The following SDHAF2 variants were observed in gnomAD, a reference collection of about 807,000 sequenced individuals.
The protein encoded by SDHAF2 is succinate dehydrogenase complex assembly factor 2.
Under a neutral mutation model 18.5 loss-of-function variants are expected in SDHAF2, and 21 were observed. That is an observed-to-expected ratio of 1.13 (90% CI 0.80 to 1.63). The LOEUF is 1.63. SDHAF2 is among the 40% of genes most tolerant of loss of function. The pLI is 0.00. For synonymous variants in SDHAF2, 84 were observed against 70.7 expected (o/e 1.19, Z -0.94); for missense variants, 195 against 200.3 (o/e 0.97, Z 0.16).
Position 61,446,083 on chromosome 11 carries a change from C to T in SDHAF2, c.*12C>T, listed in dbSNP as rs113652589. The T allele has an allele frequency of 7.7e-3, 12,352 of 1,614,080 alleles. 62 individuals are homozygous for T. The highest frequency in any genetic ancestry group is 9.6e-3 in the Non-Finnish European group (11,322 of 1,179,982). ...AAAAGCCACGTTGAGCTGTGCTCCA[C>T]GGCCTGGCATGGGGGTTCAGTCTGT... On this transcript the variant is annotated 3_prime_UTR_variant, in exon 4 of 4. Transcript: ENST00000301761.
intron 3 of SDHAF2, among the ~76,000 whole-genome samples, chr11:61,438,500 A>G (rs913375254): frequency 5.3e-5 from 8 of 152,172 alleles, no homozygotes; most frequent in Admixed American, 5.2e-4. Context: ...TGCCTGGCTT[A>G]TAATTTTTTT....
chr11:61,444,400 C>G (rs1862111032), intron 3 of SDHAF2: 1 of 152,202 alleles, frequency 6.6e-6, no homozygotes, highest in Admixed American at 6.5e-5. Context: ...TGCAGTCTCC[C>G]CTGGGCAACA....
intron 3 of SDHAF2, among the ~76,000 whole-genome samples, chr11:61,442,216 T>A (rs188059670): frequency 6.6e-6 from 1 of 152,288 alleles, no homozygotes; most frequent in East Asian, 1.9e-4. Context: ...TGGAAGATAC[T>A]TTCACTGGAT....
chr11:61,437,425 T>C (rs1862006284), intron 1 of SDHAF2, among the ~76,000 whole-genome samples, 200 bp from the exon 2 acceptor site: 1 of 152,242 alleles, frequency 6.6e-6, no homozygotes, highest in South Asian at 2.1e-4. Context: ...GGTCTCGAAC[T>C]CCTGAACTCA....
chr11:61,446,175 C>A lies in SDHAF2; in HGVS notation c.*104C>A. The A allele has an allele frequency of 7.7e-7, 1 of 1,303,310 alleles. No individual in the cohort carries two copies. Among genetic ancestry groups the A allele is most frequent in the Non-Finnish European group, 1.1e-6 (1 of 905,618 alleles). 80.7% of individuals were successfully genotyped at this position (1,303,310 alleles called of 1,614,324 possible). A position where few individuals can be genotyped will look rare whatever the true frequency, so the allele number is the denominator to read the frequency against. ...CTTCTTAGATGCCCAGCTGCCCTAC[C>A]CCAGACCACTGGTCCTGCCTCAAGT... On this transcript the variant is annotated 3_prime_UTR_variant, in exon 4 of 4. Transcript: ENST00000301761.
rs867394650 is a variant in SDHAF2, at chr11:61,430,151, C to A, written c.5C>A (p.Ala2Glu). 1.2e-6 allele frequency: 2 copies of A among 1,614,184 alleles called. No homozygotes were observed. Among genetic ancestry groups the A allele is most frequent in the African/African-American group, 2.7e-5 (2 of 75,080 alleles). ...TTTCCGGTGCAGGTGGGGAAAATGG[C>A]GGTGTCTACAGTGTTCTCGACTTCG... M[A>E]VSTVFSTSSL... is the part of the protein sequence containing the mutation. The change falls in exon 1 of 4, where the codon GCG (alanine) becomes GAG (glutamate). Residue 2 changes from alanine (A) to glutamate (E), a missense_variant. Physicochemically the swap from Ala to Glu is moderately radical, Grantham distance 107. Coordinates refer to ENST00000301761, the MANE Select transcript of SDHAF2 (RefSeq NM_017841.4).
At chr11:61,445,840 T>G in intron 3 of SDHAF2, 101 bp from the exon 4 acceptor site, 1 of 1,315,410 alleles carries the variant, frequency 7.6e-7, no homozygotes, top group South Asian at 1.2e-5. Flanking sequence ...AGTCTATATA[T>G]CCATCTGTGG....
rs1240770963 is a variant in SDHAF2, at chr11:61,446,501, T to C, written c.*430T>C. 2 of 503,558 alleles carry C rather than the reference T, an allele frequency of 4.0e-6. No homozygotes were observed. The highest frequency in any genetic ancestry group is 7.0e-6 in the Non-Finnish European group (2 of 287,556). 31.2% of individuals were successfully genotyped at this position (503,558 alleles called of 1,614,324 possible). On this transcript the variant is annotated 3_prime_UTR_variant, in exon 4 of 4. Transcript: ENST00000301761. ...CCCCGCCCTCAGTGGCCCAGGGCTT[T>C]GTTGAAGTGGAACTCCCCACTTCCA... is the stretch of plus-strand genomic sequence containing the variant.
rs756492007 is a variant in SDHAF2, at chr11:61,437,843, T to G, written c.255T>G (p.Leu85=). 6.2e-7 allele frequency: 1 copy of G among 1,613,322 alleles called. No homozygotes were observed. Among genetic ancestry groups the G allele is most frequent in the South Asian group, 1.1e-5 (1 of 91,058 alleles). Residue 85 remains leucine (L), a synonymous_variant, in exon 2 of 4, where the codon CTT becomes CTG. Transcript: ENST00000301761. ...RKRGMLENCI[L]LSLFAKEHLQ... ...GGGGAATGTTGGAAAACTGCATTCT[T>G]CTTAGGTATGGGACTAGGAGTCTTT...
At chr11:61,441,520 CAAAA>C (rs1168050919) in intron 3 of SDHAF2, among the ~76,000 whole-genome samples, 2 of 83,884 alleles carry the variant, frequency 2.4e-5, no homozygotes. Context: ...GGCTCCATCT[CAAAA>C]AAAAAAAAAA....
chr11:61,445,390 C>T (rs1441712479), intron 3 of SDHAF2, among the ~76,000 whole-genome samples: 1 of 152,160 alleles, frequency 6.6e-6, no homozygotes, highest in Non-Finnish European at 1.5e-5. Flanking sequence ...TGTGTGCCTC[C>T]AATATCCTTC....
At chr11:61,441,613 A>G (rs1862066217) in intron 3 of SDHAF2, among the ~76,000 whole-genome samples, 1 of 152,238 alleles carries the variant, frequency 6.6e-6, no homozygotes, top group African/African-American at 2.4e-5. Flanking sequence ...GATAATCTGA[A>G]AAAGGCAAAA....
chr11:61,430,787 A>G (rs373137467), intron 1 of SDHAF2: 1 of 152,176 alleles, frequency 6.6e-6, no homozygotes, highest in Non-Finnish European at 1.5e-5. Flanking sequence ...CTTTTTTCCT[A>G]GCCTGCTGTT....
Position 61,437,609 on chromosome 11 carries a change from G to T in SDHAF2, c.37-16G>T. 6.3e-7 allele frequency: 1 copy of T among 1,592,536 alleles called. No homozygotes were observed. The highest frequency in any genetic ancestry group is 1.1e-5 in the South Asian group (1 of 90,598). On this transcript the variant is annotated splice_polypyrimidine_tract_variant and intron_variant, in intron 1 of 3. Coordinates refer to ENST00000301761, the MANE Select transcript of SDHAF2 (RefSeq NM_017841.4). Reference sequence around the variant, plus strand: ...TCGTCATTATTGTAAAGATGTTTGTGGTTTGTTCATTTCAGATGCTTGCTC... The same window carrying T: ...TCGTCATTATTGTAAAGATGTTTGTTGTTTGTTCATTTCAGATGCTTGCTC...
At position 61,446,174 on chromosome 11, in the gene SDHAF2, C is replaced by G; in HGVS notation, c.*103C>G. ...GCTTCTTAGATGCCCAGCTGCCCTA[C>G]CCCAGACCACTGGTCCTGCCTCAAG... On this transcript the variant is annotated 3_prime_UTR_variant, in exon 4 of 4. Coordinates refer to ENST00000301761, the MANE Select transcript of SDHAF2 (RefSeq NM_017841.4). 1.5e-6 allele frequency: 2 copies of G among 1,300,498 alleles called. No individual in the cohort carries two copies. The highest frequency in any genetic ancestry group is 2.2e-6 in the Non-Finnish European group (2 of 903,064). 80.6% of individuals were successfully genotyped at this position (1,300,498 alleles called of 1,614,324 possible).
In SDHAF2 at chr11:61,438,189, A is replaced by G. The variant is rs770653185; in HGVS notation, c.370+76A>G. The G allele has an allele frequency of 3.6e-6, 4 of 1,126,214 alleles. No individual in the cohort carries two copies. In the East Asian group the frequency reaches 7.3e-5, roughly 21 times the overall value. 69.8% of individuals were successfully genotyped at this position (1,126,214 alleles called of 1,614,324 possible). ...ATTTGAGTCTAGAATTGTATCCTAG[A>G]TAATTTTTTTCTTTCTTTTTTTTTT... On this transcript the variant is annotated intron_variant, in intron 3 of 3. Transcript: ENST00000301761.
At chr11:61,440,690 A>G (rs1333055697) in intron 3 of SDHAF2, among the ~76,000 whole-genome samples, 1 of 152,240 alleles carries the variant, frequency 6.6e-6, no homozygotes, top group Non-Finnish European at 1.5e-5. Context: ...AAATATAGAT[A>G]GTAAATACAG....
At chr11:61,438,520 A>C (rs946268338) in intron 3 of SDHAF2, among the ~76,000 whole-genome samples, 1 of 152,134 alleles carries the variant, frequency 6.6e-6, no homozygotes, top group Non-Finnish European at 1.5e-5. Flanking sequence ...TCTTTTATTC[A>C]TGAAGTAGAC....
intron 3 of SDHAF2, among the ~76,000 whole-genome samples, chr11:61,444,727 A>G (rs1317654349): frequency 1.3e-5 from 2 of 152,180 alleles, no homozygotes; most frequent in Non-Finnish European, 2.9e-5. Context: ...TGGGCGACAG[A>G]GTGAGACTCG....
Sources: allele counts gnomAD v4.1 joint callset (sites outside exome capture counted in the v4.1 genomes callset), GRCh38; gene constraint gnomAD v4.1.1; transcripts MANE v1.5; gene names NCBI Gene and HGNC (gene_info 2026-07-23, HGNC 2026-07-21).